The following EXT1 variants were observed in gnomAD, a reference collection of about 807,000 sequenced individuals.
EXT1 encodes the protein exostosin-1.
In EXT1, 20 loss-of-function variants were observed where a neutral mutation model predicts 82.5. The ratio of observed to expected loss-of-function variants is 0.24; its 90% CI spans 0.17 to 0.35. The LOEUF (loss-of-function observed/expected upper bound fraction) is 0.35. Ranked by LOEUF, EXT1 falls within the 10% of genes least tolerant of loss-of-function variation. The pLI is 1.00. For synonymous variants in EXT1, 348 were observed against 350.8 expected (o/e 0.99, Z 0.09); for missense variants, 757 against 936.5 (o/e 0.81, Z 2.50).
chr8:117,923,658 G>A (rs1813901017), intron 1 of EXT1, among the ~76,000 whole-genome samples: 2 of 150,144 alleles, frequency 1.3e-5, no homozygotes, highest in South Asian at 4.2e-4. Flanking sequence ...CCCGGGAGGT[G>A]GAGCTGGCAG....
intron 1 of EXT1, among the ~76,000 whole-genome samples, chr8:117,910,020 G>GGCATAA: frequency 6.6e-6 from 1 of 152,234 alleles, no homozygotes; most frequent in South Asian, 2.1e-4. Flanking sequence ...CACCCGTGCC[G>GGCATAA]GCCTCCCAAA....
At chr8:117,898,951 C>T (rs1813393604) in intron 1 of EXT1, among the ~76,000 whole-genome samples, 2 of 152,120 alleles carry the variant, frequency 1.3e-5, no homozygotes, top group African/African-American at 4.8e-5. Flanking sequence ...CACTGACCCC[C>T]AAATGCTTCC....
intron 1 of EXT1, among the ~76,000 whole-genome samples, chr8:117,963,741 C>T (rs955103635): frequency 6.6e-6 from 1 of 152,154 alleles, no homozygotes; most frequent in African/African-American, 2.4e-5. Flanking sequence ...CTGCCCACCT[C>T]TGACTCCCAA....
At chr8:117,919,968 C>T (rs1813823983) in intron 1 of EXT1, among the ~76,000 whole-genome samples, 1 of 151,980 alleles carries the variant, frequency 6.6e-6, no homozygotes, top group South Asian at 2.1e-4. Context: ...ATTTCTTTTT[C>T]TCGGGTTTAA....
chr8:117,939,245 A>T (rs1274846226), intron 1 of EXT1, among the ~76,000 whole-genome samples: 2 of 152,202 alleles, frequency 1.3e-5, no homozygotes, highest in Non-Finnish European at 2.9e-5. Context: ...CCTCACAGAC[A>T]ACCCTATGAA....
intron 9 of EXT1, among the ~76,000 whole-genome samples, chr8:117,806,761 G>T (rs1823244757): frequency 6.6e-6 from 1 of 152,054 alleles, no homozygotes; most frequent in African/African-American, 2.4e-5. Context: ...TCTACACTTT[G>T]TCTGTTATAT....
intron 1 of EXT1, among the ~76,000 whole-genome samples, chr8:117,944,855 T>G (rs73323928): frequency 0.057 from 8,697 of 152,224 alleles, 863 homozygotes; most frequent in African/African-American, 0.2. Context: ...AGGTCTATGC[T>G]CAGTGCTAAA....
At chr8:117,888,612 C>A (rs376198385) in intron 1 of EXT1, among the ~76,000 whole-genome samples, 3 of 152,284 alleles carry the variant, frequency 2.0e-5, no homozygotes, top group East Asian at 3.9e-4. Context: ...ATTTTCTGAT[C>A]TCAGATTTTA....
chr8:117,807,474 G>A (rs1290122405), intron 8 of EXT1, 97 bp from the exon 9 acceptor site: 20 of 1,387,688 alleles, frequency 1.4e-5, no homozygotes, highest in African/African-American at 2.8e-5. Flanking sequence ...GCAAAATCCG[G>A]GGACTGTGGC....
intron 1 of EXT1, among the ~76,000 whole-genome samples, chr8:118,021,375 C>T (rs1221523281): frequency 1.3e-5 from 2 of 152,158 alleles, no homozygotes; most frequent in African/African-American, 4.8e-5. Flanking sequence ...AGCTAGGTTA[C>T]AAGATATATG....
Position 118,111,482 on chromosome 8 carries a change from C to A in EXT1, c.-436G>T. 1.8e-6 allele frequency: 1 copy of A among 541,810 alleles called. No individual in the cohort carries two copies. The highest frequency in any genetic ancestry group is 3.2e-6 in the Non-Finnish European group (1 of 309,872). The allele number at this position is 541,810 out of a possible 1,614,324, so 33.6% of individuals were successfully genotyped here. On this transcript the variant is annotated 5_prime_UTR_variant, in exon 1 of 11. An upstream open reading frame in the 5' UTR loses its in-frame stop. Transcript: ENST00000378204. Reference sequence around the variant, plus strand: ...AAAATGAGCCCCGGGAAGGCAACTTCAACTCATCCACCACTCTCCGTGCAG... The same window carrying A: ...AAAATGAGCCCCGGGAAGGCAACTTAAACTCATCCACCACTCTCCGTGCAG...
intron 1 of EXT1, among the ~76,000 whole-genome samples, chr8:118,083,851 A>C (rs1353865406): frequency 2.0e-5 from 3 of 152,116 alleles, no homozygotes; most frequent in African/African-American, 4.8e-5. Context: ...AACATGGTGA[A>C]ACCCCATCTC....
At chr8:118,048,015 G>T (rs1466050120) in intron 1 of EXT1, among the ~76,000 whole-genome samples, 2 of 134,860 alleles carry the variant, frequency 1.5e-5, no homozygotes, top group East Asian at 4.1e-4. Flanking sequence ...AACAGAACAA[G>T]AATTAATATT....
intron 1 of EXT1, among the ~76,000 whole-genome samples, chr8:118,095,019 G>C (rs1178970548): frequency 1.3e-5 from 2 of 152,140 alleles, no homozygotes; most frequent in East Asian, 3.8e-4. Context: ...CACACATGCA[G>C]ACATACATGT....
intron 4 of EXT1, 123 bp from the exon 5 acceptor site, chr8:117,822,720 T>TTTA (rs1811945946): frequency 3.0e-6 from 3 of 1,012,182 alleles, no homozygotes; most frequent in African/African-American, 3.2e-5. Flanking sequence ...TCCCTCCCAC[T>TTTA]TTAATTCTCC....
chr8:117,959,183 C>G (rs1340998185), intron 1 of EXT1, among the ~76,000 whole-genome samples: 1 of 152,210 alleles, frequency 6.6e-6, no homozygotes, highest in Non-Finnish European at 1.5e-5. Flanking sequence ...CCTGTGAAAG[C>G]TGCATGCCTT....
intron 1 of EXT1, among the ~76,000 whole-genome samples, chr8:117,919,995 G>A (rs921693560): frequency 4.6e-5 from 7 of 152,116 alleles, no homozygotes; most frequent in African/African-American, 9.7e-5. Flanking sequence ...GCAAGAGCAC[G>A]CCACATCATG....
chr8:117,971,108 T>TC (rs1814930489), intron 1 of EXT1, among the ~76,000 whole-genome samples: 1 of 152,148 alleles, frequency 6.6e-6, no homozygotes, highest in Non-Finnish European at 1.5e-5. Flanking sequence ...AGCTTGCCTC[T>TC]CGTGACCTCA....
At chr8:117,908,208 A>G (rs1813577541) in intron 1 of EXT1, among the ~76,000 whole-genome samples, 1 of 152,242 alleles carries the variant, frequency 6.6e-6, no homozygotes, top group Non-Finnish European at 1.5e-5. Context: ...GGGATGATAT[A>G]TGTTCCCTCA....
Sources: gnomAD v4.1 joint callset for allele counts (sites outside exome capture counted in the v4.1 genomes callset) on GRCh38, gnomAD v4.1.1 for gene constraint, MANE v1.5 for transcripts, NCBI Gene and HGNC (gene_info 2026-07-23, HGNC 2026-07-21) for gene names.